The following DIP2C variants were observed in gnomAD, a reference collection of about 807,000 sequenced individuals.
The protein encoded by DIP2C is DIP2 acetate--CoA ligase C (putative).
In DIP2C, 33 loss-of-function variants were observed where a neutral mutation model predicts 192.4. That is an observed-to-expected ratio of 0.17 (90% CI 0.13 to 0.23). The LOEUF is 0.23. DIP2C is among the 10% of genes least tolerant of loss of function. The probability of loss-of-function intolerance (pLI) is 1.00; values close to 1 mark genes in which losing one functional copy is unlikely to be tolerated. For synonymous variants in DIP2C, 979 were observed against 864.1 expected (o/e 1.13, Z -2.33); for missense variants, 1,537 against 2,110.1 (o/e 0.73, Z 5.32).
chr10:577,747 T>G (rs1850259215), intron 1 of DIP2C, among the ~76,000 whole-genome samples: 2 of 152,114 alleles, frequency 1.3e-5, no homozygotes, highest in Non-Finnish European at 2.9e-5. Flanking sequence ...GGGAGAAATG[T>G]AAGGCAACCT....
chr10:619,953 G>A (rs1400051162), intron 1 of DIP2C, among the ~76,000 whole-genome samples: 1 of 152,190 alleles, frequency 6.6e-6, no homozygotes, highest in East Asian at 1.9e-4. Context: ...TGCACGGGGT[G>A]GCCACCCCTT....
chr10:315,445 G>A (rs1313727809), intron 31 of DIP2C, among the ~76,000 whole-genome samples: 1 of 152,160 alleles, frequency 6.6e-6, no homozygotes, highest in Non-Finnish European at 1.5e-5. Context: ...CTAAGTATCT[G>A]CTTTTCTCTT....
At chr10:366,984 G>T (rs1318562117) in intron 18 of DIP2C, among the ~76,000 whole-genome samples, 2 of 152,182 alleles carry the variant, frequency 1.3e-5, no homozygotes, top group African/African-American at 2.4e-5. Context: ...TCTGATTAGG[G>T]AGCCAAGAGC....
chr10:635,368 G>T (rs1854768879), intron 1 of DIP2C, among the ~76,000 whole-genome samples: 1 of 152,202 alleles, frequency 6.6e-6, no homozygotes, highest in Non-Finnish European at 1.5e-5. Flanking sequence ...GGATAACAGT[G>T]GCCTCATCTG....
Position 666,609 on chromosome 10 carries a change from C to A in DIP2C, c.85+22885G>T, listed in dbSNP as rs571027004. The stretch of plus-strand genomic sequence containing the variant: ...GAGGTCGGCCCGTGGCCTGTCTGCC[C>A]GTGGCCTGTCTGCCCGTGGCCTGTC... On this transcript the variant is annotated intron_variant, in intron 1 of 36. Transcript: ENST00000280886. This position sits in a 1 kb window ranked among gnomAD's most constrained non-coding sequence, Gnocchi z 4.1. 1 of 8,090 alleles carries A rather than the reference C, an allele frequency of 1.2e-4. No individual in the cohort carries two copies. The highest frequency in any genetic ancestry group is 8.1e-3 in the East Asian group (1 of 124). The allele number at this position is 8,090 out of a possible 1,614,324, so 0.5% of individuals were successfully genotyped here. A position where few individuals can be genotyped will look rare whatever the true frequency, so the allele number is the denominator to read the frequency against.
chr10:484,719 G>A (rs528831371), intron 2 of DIP2C: 95 of 1,556,274 alleles, frequency 6.1e-5, no homozygotes, highest in Middle Eastern at 2.1e-4. Context: ...GGCACTCGGC[G>A]GGTGGCCCTT....
At chr10:432,665 T>C (rs1966875999) in intron 4 of DIP2C, among the ~76,000 whole-genome samples, 1 of 152,214 alleles carries the variant, frequency 6.6e-6, no homozygotes, top group South Asian at 2.1e-4. Context: ...ATGTGTTGAT[T>C]TCTGCTCTTT....
intron 33 of DIP2C, among the ~76,000 whole-genome samples, chr10:287,889 A>G (rs1363334363): frequency 1.3e-5 from 2 of 152,226 alleles, no homozygotes; most frequent in African/African-American, 4.8e-5. Flanking sequence ...TGATATCTCA[A>G]TAGTTCCCAA....
chr10:589,002 G>A (rs1398696778), intron 1 of DIP2C, among the ~76,000 whole-genome samples: 1 of 152,224 alleles, frequency 6.6e-6, no homozygotes, highest in African/African-American at 2.4e-5. Context: ...ACCACCTGGT[G>A]CTGAAGACCT....
intron 28 of DIP2C, among the ~76,000 whole-genome samples, chr10:342,970 C>T (rs1958230638): frequency 6.6e-6 from 1 of 152,192 alleles, no homozygotes; most frequent in South Asian, 2.1e-4. Flanking sequence ...AAGCAGCATA[C>T]AAAATGGTCT....
intron 1 of DIP2C, among the ~76,000 whole-genome samples, chr10:593,521 G>A (rs368474946): frequency 8.3e-6 from 1 of 120,438 alleles, no homozygotes; most frequent in Non-Finnish European, 1.6e-5. Context: ...GAAATCAGCT[G>A]GCGATCATCT....
At chr10:504,962 AG>A (rs1270439116) in intron 1 of DIP2C, among the ~76,000 whole-genome samples, 1 of 152,152 alleles carries the variant, frequency 6.6e-6, no homozygotes, top group East Asian at 1.9e-4. Context: ...TGTGACTCTC[AG>A]TGCTAGGTTC....
chr10:525,070 T>C (rs1036056270), intron 1 of DIP2C, among the ~76,000 whole-genome samples: 64 of 152,162 alleles, frequency 4.2e-4, no homozygotes, highest in African/African-American at 1.4e-3. Context: ...CTCATGTATT[T>C]GTAGTTTGGA....
chr10:366,689 G>A (rs1389376922), intron 18 of DIP2C, among the ~76,000 whole-genome samples: 1 of 152,170 alleles, frequency 6.6e-6, no homozygotes, highest in Admixed American at 6.5e-5. Context: ...GACATCATCT[G>A]CCATTTAGAT....
intron 1 of DIP2C, among the ~76,000 whole-genome samples, chr10:529,983 G>T (rs1261385250): frequency 2.0e-5 from 3 of 152,216 alleles, no homozygotes; most frequent in Non-Finnish European, 4.4e-5. Flanking sequence ...GGGCCCATCA[G>T]GCCATCTGCC....
intron 1 of DIP2C, among the ~76,000 whole-genome samples, chr10:517,148 C>T (rs7093526): frequency 9.9e-5 from 15 of 151,982 alleles, no homozygotes; most frequent in Middle Eastern, 3.2e-3. Flanking sequence ...CGCCCCTCTC[C>T]GCTCCCATCA....
intron 1 of DIP2C, among the ~76,000 whole-genome samples, chr10:670,284 G>A (rs577947607): frequency 9.2e-5 from 14 of 151,824 alleles, no homozygotes; most frequent in African/African-American, 1.7e-4. Context: ...ATATACACAC[G>A]TACACATGCA....
At position 411,650 on chromosome 10, in the gene DIP2C, C is replaced by T. The variant is rs561532824; in HGVS notation, c.1057+2263G>A. Among the ~76,000 whole-genome samples the T allele has an allele frequency of 6.6e-5, 10 of 152,192 alleles. No homozygotes were observed. The East Asian group carries it at 9.7e-4, about 15-fold the overall frequency. On this transcript the variant is annotated intron_variant, in intron 8 of 36. Transcript: ENST00000280886. ...ACTCAGTATTAGAACAATTCTCATTCGATACCAAATTACTCAGTATTTGAA... is the reference window on the plus strand; with the variant it reads ...ACTCAGTATTAGAACAATTCTCATTTGATACCAAATTACTCAGTATTTGAA...
rs377448503 is a variant in DIP2C, at chr10:311,336, G to A, written c.3925-1244C>T. ...CAAACTGGCAAATGAACCACTGACCGCGCACCCCGGGAAGACAGCGTCGGC... is the reference window on the plus strand; with the variant it reads ...CAAACTGGCAAATGAACCACTGACCACGCACCCCGGGAAGACAGCGTCGGC... On this transcript the variant is annotated intron_variant, in intron 31 of 36. Transcript: ENST00000280886. Among the ~76,000 whole-genome samples the A allele has an allele frequency of 1.1e-4, 17 of 152,356 alleles. No individual in the cohort carries two copies. The East Asian group carries it at 1.9e-3, about 17-fold the overall frequency.
Sources: allele counts gnomAD v4.1 joint callset (sites outside exome capture counted in the v4.1 genomes callset), GRCh38; gene constraint gnomAD v4.1.1; non-coding constraint Gnocchi (gnomAD v3.1); transcripts MANE v1.5; gene names NCBI Gene and HGNC (gene_info 2026-07-23, HGNC 2026-07-21).